The following SLCO6A1 variants were observed in gnomAD, a reference collection of about 807,000 sequenced individuals.
SLCO6A1 encodes the protein solute carrier organic anion transporter family member 6A1, also known as cancer/testis antigen 48.
A neutral mutation model predicts 72.7 loss-of-function variants in SLCO6A1; 65 were observed. The observed-to-expected ratio is 0.89, with a 90% CI of 0.73 to 1.10. The LOEUF (loss-of-function observed/expected upper bound fraction) is 1.10, where lower values mean the gene tolerates loss of function less well. Among genes scored for constraint, SLCO6A1 ranks in the 50% least tolerant of loss-of-function variants. The pLI, the probability that SLCO6A1 is intolerant of heterozygous loss-of-function variation, is 0.00. For synonymous variants in SLCO6A1, 314 were observed against 298.2 expected, an observed-to-expected ratio of 1.05 and a Z score of -0.55; for missense variants, 874 against 872.6, an observed-to-expected ratio of 1.00 and a Z score of -0.02.
intron 8 of SLCO6A1, among the ~76,000 whole-genome samples, chr5:102,415,689 A>G (rs1407956964): frequency 1.3e-5 from 2 of 152,158 alleles, no homozygotes; most frequent in Non-Finnish European, 2.9e-5. Context: ...ACCAGCAACC[A>G]AACAAAAATA....
At chr5:102,462,446 A>C (rs1487285877) in intron 4 of SLCO6A1, among the ~76,000 whole-genome samples, 3 of 152,236 alleles carry the variant, frequency 2.0e-5, no homozygotes, top group African/African-American at 7.2e-5. Context: ...CTAAGTAAAA[A>C]TAACAAATCT....
intron 6 of SLCO6A1, among the ~76,000 whole-genome samples, chr5:102,446,831 C>T (rs1394510495): frequency 6.6e-5 from 10 of 152,038 alleles, no homozygotes; most frequent in Non-Finnish European, 8.8e-5. Context: ...CTCGGCTCAC[C>T]GCAACCTCTG....
chr5:102,379,122 A>G (rs1006476297), intron 12 of SLCO6A1, among the ~76,000 whole-genome samples: 2 of 151,974 alleles, frequency 1.3e-5, no homozygotes, highest in African/African-American at 4.8e-5. Flanking sequence ...TTTTGTGAAG[A>G]ATTTTTTCAA....
intron 12 of SLCO6A1, among the ~76,000 whole-genome samples, chr5:102,385,670 C>T (rs1580330130): frequency 6.6e-6 from 1 of 151,686 alleles, no homozygotes; most frequent in South Asian, 2.1e-4. Flanking sequence ...TGGCTTGTAT[C>T]TCTATTGTAT....
At chr5:102,462,786 T>G (rs535390426) in intron 4 of SLCO6A1, among the ~76,000 whole-genome samples, 1 of 152,248 alleles carries the variant, frequency 6.6e-6, no homozygotes, top group East Asian at 1.9e-4. Flanking sequence ...TCAAGATGGA[T>G]CAAAGACTTA....
intron 4 of SLCO6A1, among the ~76,000 whole-genome samples, chr5:102,468,735 G>A (rs1020374274): frequency 3.3e-5 from 5 of 152,002 alleles, no homozygotes; most frequent in East Asian, 1.9e-4. Flanking sequence ...TATGTATTAC[G>A]TGAGTCTCTT....
intron 4 of SLCO6A1, among the ~76,000 whole-genome samples, chr5:102,468,352 T>A (rs911346423): frequency 6.6e-6 from 1 of 152,232 alleles, no homozygotes; most frequent in East Asian, 1.9e-4. Flanking sequence ...AGTCCATTTG[T>A]TCTAGGGTAT....
At chr5:102,453,337 C>CAA (rs34076015) in intron 6 of SLCO6A1, among the ~76,000 whole-genome samples, 6 of 136,432 alleles carry the variant, frequency 4.4e-5, no homozygotes, top group South Asian at 2.3e-4. Context: ...GACCCTGCCT[C>CAA]AAAAAAAAAA....
intron 8 of SLCO6A1, among the ~76,000 whole-genome samples, chr5:102,419,489 T>A (rs1748469071): frequency 6.6e-6 from 1 of 152,182 alleles, no homozygotes; most frequent in Admixed American, 6.5e-5. Flanking sequence ...ACAAACCAAT[T>A]CAGAAACACA....
At chr5:102,484,465 A>G (rs1433257737) in intron 1 of SLCO6A1, among the ~76,000 whole-genome samples, 2 of 152,094 alleles carry the variant, frequency 1.3e-5, no homozygotes, top group Non-Finnish European at 2.9e-5. Context: ...CCTGACCAAC[A>G]TGGTGAAACC....
chr5:102,411,330 T>C (rs1300281616), intron 9 of SLCO6A1, among the ~76,000 whole-genome samples: 4 of 152,074 alleles, frequency 2.6e-5, no homozygotes, highest in South Asian at 2.1e-4. Flanking sequence ...AGTGGCACAA[T>C]CATGACTCAC....
chr5:102,458,296 C>A lies in SLCO6A1; in HGVS notation c.1131+86G>T. ...GTCTCACCCAGATTTAGGTTGAACC[C>A]TTTATGGGTATTTTCATAAGTTCAT... On this transcript the variant is annotated intron_variant, in intron 6 of 13. Coordinates refer to ENST00000506729, the MANE Select transcript of SLCO6A1 (RefSeq NM_173488.5). 3.0e-6 allele frequency: 3 copies of A among 1,013,250 alleles called. No homozygotes were observed. In the South Asian group the frequency reaches 4.7e-5, roughly 16 times the overall value. 62.8% of individuals were successfully genotyped at this position (1,013,250 alleles called of 1,614,324 possible). A position where few individuals can be genotyped will look rare whatever the true frequency, so the allele number is the denominator to read the frequency against.
In SLCO6A1 at chr5:102,399,537, T is replaced by C. The variant is rs749520598; in HGVS notation, c.1814+18A>G. ...TTATATATTAAATAAACAATAATAA[T>C]GAGTAATATATACATACCGCGTCAT... On this transcript the variant is annotated intron_variant, in intron 10 of 13. Coordinates refer to ENST00000506729, the MANE Select transcript of SLCO6A1 (RefSeq NM_173488.5). The C allele has an allele frequency of 2.3e-6, 3 of 1,330,060 alleles. No homozygotes were observed. Among genetic ancestry groups the C allele is most frequent in the Non-Finnish European group, 2.9e-6 (3 of 1,019,936 alleles). 82.4% of individuals were successfully genotyped at this position (1,330,060 alleles called of 1,614,324 possible).
chr5:102,385,983 T>C (rs969780347), intron 12 of SLCO6A1, among the ~76,000 whole-genome samples: 1 of 152,116 alleles, frequency 6.6e-6, no homozygotes, highest in African/African-American at 2.4e-5. Context: ...TGAGTCTCCA[T>C]TTCTTTAGAA....
intron 7 of SLCO6A1, among the ~76,000 whole-genome samples, chr5:102,427,862 A>AT (rs1313432549): frequency 3.5e-4 from 36 of 103,384 alleles, no homozygotes; most frequent in African/African-American, 6.9e-4. Flanking sequence ...ATATATATAT[A>AT]TATTTTTTTT....
chr5:102,401,527 C>T (rs932274522), intron 9 of SLCO6A1, among the ~76,000 whole-genome samples: 1 of 151,948 alleles, frequency 6.6e-6, no homozygotes, highest in Admixed American at 6.6e-5. Flanking sequence ...AAATAAAGTA[C>T]AAGACAATAG....
At chr5:102,475,258 C>T (rs578148109) in intron 4 of SLCO6A1, among the ~76,000 whole-genome samples, 70 of 151,934 alleles carry the variant, frequency 4.6e-4, no homozygotes, top group Non-Finnish European at 9.0e-4. Context: ...ATTATTCAGC[C>T]TTAAATGAAG....
intron 7 of SLCO6A1, among the ~76,000 whole-genome samples, chr5:102,426,473 C>T (rs1457592417): frequency 6.6e-6 from 1 of 152,154 alleles, no homozygotes; most frequent in Non-Finnish European, 1.5e-5. Context: ...TGAACAGACA[C>T]TTCTCAAAAG....
chr5:102,434,919 C>T (rs955162949), intron 7 of SLCO6A1, among the ~76,000 whole-genome samples: 17 of 152,028 alleles, frequency 1.1e-4, no homozygotes, highest in African/African-American at 4.1e-4. Flanking sequence ...AAAATTATAG[C>T]CACTATGAGC....
Sources: allele counts gnomAD v4.1 joint callset (sites outside exome capture counted in the v4.1 genomes callset), GRCh38; gene constraint gnomAD v4.1.1; transcripts MANE v1.5; gene names NCBI Gene and HGNC (gene_info 2026-07-23, HGNC 2026-07-21).